FAM168B: variants seen among roughly 807,000 people sequenced by gnomAD.
FAM168B encodes the protein myelin-associated neurite-outgrowth inhibitor.
A neutral mutation model predicts 21.8 loss-of-function variants in FAM168B; 19 were observed. The observed-to-expected ratio is 0.87, with a 90% confidence interval of 0.61 to 1.28. FAM168B has a LOEUF of 1.28. Ranked by LOEUF, FAM168B falls within the 50% of genes most tolerant of loss-of-function variation. The pLI, the probability that FAM168B is intolerant of heterozygous loss-of-function variation, is 0.00. For synonymous variants in FAM168B, 126 were observed against 104.8 expected (o/e 1.20, Z -1.24); for missense variants, 233 against 263.1 (o/e 0.89, Z 0.79).
rs113232321 is a variant in FAM168B at position 131,074,178 on chromosome 2, G to C, written c.71-2240C>G. ...AGAGTCTCGCTCTGTTGCCAGGCTG[G>C]AGTGCAATGGCGTGATCTCGGCTCA... On this transcript the variant is annotated intron_variant, in intron 2 of 6. Transcript: ENST00000389915. 6.7e-4 allele frequency among the ~76,000 whole-genome samples: 102 copies of C among 152,282 alleles called. 1 individual carries two copies. The highest frequency in any genetic ancestry group is 1.9e-3 in the African/African-American group (81 of 41,542).
At chr2:131,076,954 G>C (rs1224445351) in intron 2 of FAM168B, among the ~76,000 whole-genome samples, 1 of 152,000 alleles carries the variant, frequency 6.6e-6, no homozygotes, top group African/African-American at 2.4e-5. Flanking sequence ...CCAGGCTGTG[G>C]GGAAATCGTC....
chr2:131,052,833 C>A, intron 6 of FAM168B, 58 bp downstream of exon 6: 1 of 1,532,886 alleles, frequency 6.5e-7, no homozygotes, highest in East Asian at 2.5e-5. Context: ...AAATTTGCCA[C>A]TGTCCCATGG....
intron 3 of FAM168B, among the ~76,000 whole-genome samples, chr2:131,064,791 A>G (rs1692473486): frequency 6.6e-6 from 1 of 152,214 alleles, no homozygotes; most frequent in South Asian, 2.1e-4. Flanking sequence ...CCAGAGGACA[A>G]CCAGTCCAGA....
chr2:131,080,695 A>T (rs1693389359), intron 2 of FAM168B, among the ~76,000 whole-genome samples: 2 of 148,758 alleles, frequency 1.3e-5, no homozygotes, highest in Admixed American at 1.3e-4. Flanking sequence ...TTTGAGACAG[A>T]GTCTTGCTCT....
intron 3 of FAM168B, among the ~76,000 whole-genome samples, chr2:131,065,220 T>G (rs555053428): frequency 1.1e-4 from 17 of 151,982 alleles, no homozygotes; most frequent in Non-Finnish European, 2.1e-4. Flanking sequence ...CTTTAAAGAG[T>G]TAAAGAGCTG....
chr2:131,073,338 C>A (rs1692976292), intron 2 of FAM168B, among the ~76,000 whole-genome samples: 1 of 152,200 alleles, frequency 6.6e-6, no homozygotes. Flanking sequence ...GGTGATCCAC[C>A]TGCCTCGGCC....
rs779092262 is a variant in FAM168B at position 131,071,867 on chromosome 2, T to C, written c.142A>G (p.Thr48Ala). 5.6e-6 allele frequency: 9 copies of C among 1,613,884 alleles called. No individual in the cohort carries two copies. Among genetic ancestry groups the C allele is most frequent in the South Asian group, 1.1e-5 (1 of 91,092 alleles). ...ACCCAGCACATACCTGTTTGGAAGG[T>C]AGGATTCGCTCCAGGATACATGTTA... ...SPNMYPGANP[T>A]FQTGYTPGTP... is the part of the protein sequence containing the mutation. The change falls in exon 3 of 7, where the codon ACC (threonine) becomes GCC (alanine). Residue 48 changes from threonine (T) to alanine (A), a missense_variant. By Grantham distance (58) the Thr-to-Ala change is moderately conservative. Transcript: ENST00000389915.
chr2:131,051,221 T>A lies in FAM168B; in HGVS notation c.*1244A>T. 3 of 984,680 alleles carry A rather than the reference T, an allele frequency of 3.0e-6. No homozygotes were observed. The highest frequency in any genetic ancestry group is 3.6e-6 in the Non-Finnish European group (3 of 829,794). The allele number at this position is 984,680 out of a possible 1,614,324, so 61.0% of individuals were successfully genotyped here. ...CCTCGCCCCATCTCTAAGCGTCCCCTCCAGCCGGCCTCAGCAGACAAGTCA... is the reference window on the plus strand; with the variant it reads ...CCTCGCCCCATCTCTAAGCGTCCCCACCAGCCGGCCTCAGCAGACAAGTCA... On this transcript the variant is annotated 3_prime_UTR_variant, in exon 7 of 7. Coordinates refer to ENST00000389915, the MANE Select transcript of FAM168B (RefSeq NM_001009993.4).
intron 3 of FAM168B, among the ~76,000 whole-genome samples, chr2:131,068,217 G>A (rs1461338183): frequency 1.3e-5 from 2 of 152,118 alleles, no homozygotes; most frequent in African/African-American, 4.8e-5. Flanking sequence ...GCAGTGCAGT[G>A]GTGCGATTTT....
chr2:131,082,348 A>C (rs1693467062), intron 2 of FAM168B, among the ~76,000 whole-genome samples: 1 of 152,196 alleles, frequency 6.6e-6, no homozygotes, highest in Non-Finnish European at 1.5e-5. Flanking sequence ...TGAGGAAGCG[A>C]AGCTGAGACC....
chr2:131,066,157 G>A (rs939782259), intron 3 of FAM168B, among the ~76,000 whole-genome samples: 1 of 146,150 alleles, frequency 6.8e-6, no homozygotes, highest in African/African-American at 2.6e-5. Flanking sequence ...TGCAACATTT[G>A]TATCTTTTTT....
intron 2 of FAM168B, among the ~76,000 whole-genome samples, chr2:131,079,336 C>T (rs2105556298): frequency 6.6e-6 from 1 of 152,186 alleles, no homozygotes; most frequent in East Asian, 1.9e-4. Flanking sequence ...GGCGTGGTGG[C>T]ACGCACCACA....
At chr2:131,091,782 G>A (rs1694044059) in intron 1 of FAM168B, among the ~76,000 whole-genome samples, 1 of 151,900 alleles carries the variant, frequency 6.6e-6, no homozygotes, top group East Asian at 1.9e-4. Flanking sequence ...TTAACAGACT[G>A]GACACAAGGC....
intron 3 of FAM168B, among the ~76,000 whole-genome samples, chr2:131,064,205 G>A (rs1485373202): frequency 1.3e-5 from 2 of 151,988 alleles, no homozygotes; most frequent in African/African-American, 2.4e-5. Flanking sequence ...CAACTGTTCG[G>A]GAACCAGAAA....
At chr2:131,066,552 A>G (rs1458539195) in intron 3 of FAM168B, among the ~76,000 whole-genome samples, 4 of 151,736 alleles carry the variant, frequency 2.6e-5, no homozygotes, top group Admixed American at 2.6e-4. Context: ...TATTACAAAG[A>G]ACAGACTGTT....
intron 3 of FAM168B, among the ~76,000 whole-genome samples, chr2:131,061,969 G>A (rs1218752539): frequency 6.6e-6 from 1 of 152,102 alleles, no homozygotes; most frequent in Admixed American, 6.6e-5. Flanking sequence ...CAGCCAATGT[G>A]CAACAAGAAG....
At chr2:131,059,862 G>T (rs1692206706) in intron 3 of FAM168B, among the ~76,000 whole-genome samples, 1 of 152,162 alleles carries the variant, frequency 6.6e-6, no homozygotes, top group Non-Finnish European at 1.5e-5. Context: ...AAAAGCTGAT[G>T]AATATAATGT....
chr2:131,049,586 G>A lies in FAM168B; in HGVS notation c.*2879C>T, dbSNP rs1479070380. 2 of 985,358 alleles carry A rather than the reference G, an allele frequency of 2.0e-6. No homozygotes were observed. Among genetic ancestry groups the A allele is most frequent in the East Asian group, 2.3e-4 (2 of 8,828 alleles). 61.0% of individuals were successfully genotyped at this position (985,358 alleles called of 1,614,324 possible). ...GATCCAAACAAGACCTCCATGAGCAGAGAAACTGCAGCGGCTGAACACACT... is the reference window on the plus strand; with the variant it reads ...GATCCAAACAAGACCTCCATGAGCAAAGAAACTGCAGCGGCTGAACACACT... On this transcript the variant is annotated 3_prime_UTR_variant, in exon 7 of 7. Transcript: ENST00000389915.
chr2:131,089,154 C>T (rs557175591), intron 1 of FAM168B, among the ~76,000 whole-genome samples: 29 of 152,012 alleles, frequency 1.9e-4, no homozygotes, highest in African/African-American at 6.7e-4. Context: ...TTAGTAGAGA[C>T]GGGGTTTCTC....
Sources: gnomAD v4.1 joint callset for allele counts (sites outside exome capture counted in the v4.1 genomes callset) on GRCh38, gnomAD v4.1.1 for gene constraint, MANE v1.5 for transcripts, NCBI Gene and HGNC (gene_info 2026-07-23, HGNC 2026-07-21) for gene names.